RAD54B: variants seen among roughly 807,000 people sequenced by gnomAD.
RAD54B encodes the protein DNA repair and recombination protein RAD54B.
RAD54B carries 78 observed loss-of-function variants against 95.8 expected under a neutral mutation model. That is an observed-to-expected ratio of 0.81 (90% CI 0.68 to 0.98). The LOEUF (loss-of-function observed/expected upper bound fraction) is 0.98. RAD54B is among the 50% of genes least tolerant of loss of function. The pLI is 0.00. For synonymous variants in RAD54B, 328 were observed against 354.9 expected (o/e 0.92, Z 0.85); for missense variants, 957 against 1,056.6 (o/e 0.91, Z 1.31).
chr8:94,461,460 C>T (rs1185115262), intron 2 of RAD54B, among the ~76,000 whole-genome samples: 4 of 151,684 alleles, frequency 2.6e-5, no homozygotes, highest in Non-Finnish European at 5.9e-5. Context: ...TGAGCCACCA[C>T]ACCCGGCCAT....
At chr8:94,381,986 C>T (rs1049328704) in intron 11 of RAD54B, among the ~76,000 whole-genome samples, 3 of 151,816 alleles carry the variant, frequency 2.0e-5, no homozygotes, top group Admixed American at 6.6e-5. Context: ...TGGTGGTGGG[C>T]GCCTGTAGTC....
At chr8:94,381,685 T>C (rs1810744157) in intron 11 of RAD54B, among the ~76,000 whole-genome samples, 1 of 151,980 alleles carries the variant, frequency 6.6e-6, no homozygotes, top group Non-Finnish European at 1.5e-5. Context: ...TGGAAGATAA[T>C]AGTACGAGAG....
intron 6 of RAD54B, among the ~76,000 whole-genome samples, chr8:94,402,902 G>C (rs1811296383): frequency 6.6e-6 from 1 of 152,154 alleles, no homozygotes; most frequent in Non-Finnish European, 1.5e-5. Context: ...AAAAGATTAG[G>C]AAACAATATT....
chr8:94,417,052 T>C lies in RAD54B; in HGVS notation c.305-5737A>G, dbSNP rs906264239. The stretch of plus-strand genomic sequence containing the variant: ...CATACAATGGAATATAATTCCATCA[T>C]AGAAAAAGAACAAAGTACTAATACA... On this transcript the variant is annotated intron_variant, in intron 3 of 14. Coordinates refer to ENST00000336148, the MANE Select transcript of RAD54B (RefSeq NM_012415.3). Among the ~76,000 whole-genome samples the C allele has an allele frequency of 2.6e-5, 4 of 152,196 alleles. No homozygotes were observed. In the South Asian group the frequency reaches 6.2e-4, roughly 24 times the overall value.
intron 3 of RAD54B, chr8:94,427,797 A>C: frequency 1.0e-6 from 1 of 957,298 alleles, no homozygotes; most frequent in Non-Finnish European, 1.2e-6. Context: ...TATTAAACAC[A>C]ATTTATTACA....
At chr8:94,404,269 T>A in intron 5 of RAD54B, 30 bp from the exon 6 acceptor site, 1 of 1,519,382 alleles carries the variant, frequency 6.6e-7, no homozygotes, top group Non-Finnish European at 8.9e-7. Context: ...ACAAGTATTG[T>A]AATTTCACTT....
intron 4 of RAD54B, among the ~76,000 whole-genome samples, chr8:94,408,418 TA>T (rs1453834554): frequency 6.6e-6 from 1 of 152,150 alleles, no homozygotes; most frequent in Non-Finnish European, 1.5e-5. Context: ...GCTTGTCTAT[TA>T]AATGCATTAA....
intron 3 of RAD54B, among the ~76,000 whole-genome samples, chr8:94,452,979 G>C (rs1030292134): frequency 6.6e-6 from 1 of 152,142 alleles, no homozygotes; most frequent in African/African-American, 2.4e-5. Flanking sequence ...CATTGCTGAT[G>C]AGAGTATAAA....
intron 14 of RAD54B, among the ~76,000 whole-genome samples, chr8:94,373,609 A>T (rs1810493255): frequency 6.6e-6 from 1 of 152,186 alleles, no homozygotes. Context: ...AAGGCTGTCC[A>T]CTAAATGCCC....
chr8:94,375,265 A>G (rs1329979250), intron 14 of RAD54B, among the ~76,000 whole-genome samples: 1 of 152,218 alleles, frequency 6.6e-6, no homozygotes, highest in East Asian at 1.9e-4. Context: ...TCTATGGATG[A>G]TATGGTTTGG....
At chr8:94,444,303 T>C (rs1812467567) in intron 3 of RAD54B, among the ~76,000 whole-genome samples, 1 of 151,796 alleles carries the variant, frequency 6.6e-6, no homozygotes, top group Non-Finnish European at 1.5e-5. Flanking sequence ...GCAGACCATA[T>C]TAAAGTGTAA....
At position 94,372,102 on chromosome 8, in the gene RAD54B, A is replaced by G; in HGVS notation, c.*68T>C. The G allele has an allele frequency of 6.7e-7, 1 of 1,502,246 alleles. No homozygotes were observed. The allele number at this position is 1,502,246 out of a possible 1,614,324, so 93.1% of individuals were successfully genotyped here. A position where few individuals can be genotyped will look rare whatever the true frequency, so the allele number is the denominator to read the frequency against. On this transcript the variant is annotated 3_prime_UTR_variant, in exon 15 of 15. Transcript: ENST00000336148. ...ATTTAAATAATTCTATTAATTTTCA[A>G]AAAGTACATTTAATTACCATACTAA...
rs1810459117 is a variant in RAD54B, at chr8:94,372,295, G to A, written c.2608C>T (p.Gln870Ter). ...SNSLKPLSMS[Q>*]LKQWKHFSGD... Reference sequence around the variant, plus strand: ...GAAAAATGTTTCCATTGCTTCAGCTGGGACATAGAAAGAGGTTTCAGGGAG... The same window carrying A: ...GAAAAATGTTTCCATTGCTTCAGCTAGGACATAGAAAGAGGTTTCAGGGAG... Residue 870 changes from glutamine (Q) to a stop codon, truncating the protein, a stop_gained, in exon 15 of 15, where the codon CAG (glutamine) becomes TAG (stop). Coordinates refer to ENST00000336148, the MANE Select transcript of RAD54B (RefSeq NM_012415.3). LOFTEE classifies it high-confidence loss of function. 6.2e-7 allele frequency: 1 copy of A among 1,613,778 alleles called. No individual in the cohort carries two copies. The highest frequency in any genetic ancestry group is 8.5e-7 in the Non-Finnish European group (1 of 1,179,888).
Position 94,410,659 on chromosome 8 carries a change from T to C in RAD54B, c.499+462A>G, listed in dbSNP as rs1811506511. 2.6e-5 allele frequency among the ~76,000 whole-genome samples: 4 copies of C among 152,178 alleles called. No homozygotes were observed. In the South Asian group the frequency reaches 6.2e-4, roughly 24 times the overall value. On this transcript the variant is annotated intron_variant, in intron 4 of 14. Coordinates refer to ENST00000336148, the MANE Select transcript of RAD54B (RefSeq NM_012415.3). The stretch of plus-strand genomic sequence containing the variant: ...ACAATGGCAACCTCCAATTTCCATA[T>C]GTTAATCTAGGTCAGGCCTAACCAT...
At chr8:94,436,254 C>T (rs1023000660) in intron 3 of RAD54B, among the ~76,000 whole-genome samples, 2 of 152,072 alleles carry the variant, frequency 1.3e-5, no homozygotes, top group Non-Finnish European at 2.9e-5. Context: ...TCCTCCCTAA[C>T]CTTTACTTTT....
At chr8:94,465,861 C>T (rs1030717002) in intron 2 of RAD54B, among the ~76,000 whole-genome samples, 37 of 152,196 alleles carry the variant, frequency 2.4e-4, no homozygotes, top group Admixed American at 8.5e-4. Flanking sequence ...CACACTACAA[C>T]ATGGATGAAC....
In RAD54B at chr8:94,375,561, T is replaced by A. The variant is rs1325759577; in HGVS notation, c.2515+2619A>T. Among the ~76,000 whole-genome samples, 62 of 152,328 alleles carry A rather than the reference T, an allele frequency of 4.1e-4. 1 individual carries two copies. Among genetic ancestry groups the A allele is most frequent in the Non-Finnish European group, 2.1e-4 (14 of 68,038 alleles). On this transcript the variant is annotated intron_variant, in intron 14 of 14. Coordinates refer to ENST00000336148, the MANE Select transcript of RAD54B (RefSeq NM_012415.3). ...GTGGAACTGTGAGTCTAATTAAACTTCTTTTTTTTGTAAATCGCCCAGTCT... is the reference window on the plus strand; with the variant it reads ...GTGGAACTGTGAGTCTAATTAAACTACTTTTTTTTGTAAATCGCCCAGTCT...
intron 2 of RAD54B, among the ~76,000 whole-genome samples, chr8:94,459,976 G>A (rs1402227311): frequency 1.3e-5 from 2 of 150,796 alleles, no homozygotes; most frequent in Non-Finnish European, 2.9e-5. Context: ...GGCTAACATG[G>A]TGAAACCCGG....
At position 94,372,318 on chromosome 8, in the gene RAD54B, G is replaced by GAGTT. The variant is rs1330874239; in HGVS notation, c.2581_2584dup (p.Ser862Ter). On this transcript the variant is annotated stop_gained and frameshift_variant, in exon 15 of 15. Coordinates refer to ENST00000336148, the MANE Select transcript of RAD54B (RefSeq NM_012415.3). LOFTEE classifies it high-confidence loss of function. ...CTGGGACATAGAAAGAGGTTTCAGGGAGTTAGATTTCTGGTGATGTGGACC... is the reference window on the plus strand; with the variant it reads ...CTGGGACATAGAAAGAGGTTTCAGGGAGTTAGTTAGATTTCTGGTGATGTGGACC... 22 of 1,613,696 alleles carry GAGTT rather than the reference G, an allele frequency of 1.4e-5. No individual in the cohort carries two copies. In the Admixed American group the frequency reaches 2.7e-4, roughly 20 times the overall value.
Sources: allele counts gnomAD v4.1 joint callset (sites outside exome capture counted in the v4.1 genomes callset), GRCh38; gene constraint gnomAD v4.1.1; transcripts MANE v1.5; gene names NCBI Gene and HGNC (gene_info 2026-07-23, HGNC 2026-07-21).